Variants in DSCAM observed in about 807,000 individuals in gnomAD.
DSCAM encodes DS cell adhesion molecule, also known as cell adhesion molecule DSCAM.
A neutral mutation model predicts 217.7 loss-of-function variants in DSCAM; 47 were observed. The ratio of observed to expected loss-of-function variants is 0.22; its 90% CI spans 0.17 to 0.28. The LOEUF (loss-of-function observed/expected upper bound fraction) is 0.28, where lower values mean the gene tolerates loss of function less well. Among genes scored for constraint, DSCAM ranks in the 10% least tolerant of loss-of-function variants. The pLI is 1.00. For synonymous variants in DSCAM, 1,056 were observed against 1,015.3 expected (o/e 1.04, Z -0.76); for missense variants, 2,080 against 2,618.3 (o/e 0.79, Z 4.49).
At chr21:40,598,026 GTCA>G (rs1370787342) in intron 3 of DSCAM, among the ~76,000 whole-genome samples, 1 of 152,184 alleles carries the variant, frequency 6.6e-6, no homozygotes, top group African/African-American at 2.4e-5. Flanking sequence ...AATGTATAAT[GTCA>G]TGTATTCACC....
chr21:40,414,854 G>C (rs1269706514), intron 3 of DSCAM, among the ~76,000 whole-genome samples: 1 of 152,158 alleles, frequency 6.6e-6, no homozygotes, highest in Non-Finnish European at 1.5e-5. Flanking sequence ...AATTTATCAA[G>C]ACATGGGACA....
chr21:40,824,899 C>A (rs1324958638), intron 1 of DSCAM, among the ~76,000 whole-genome samples: 1 of 152,176 alleles, frequency 6.6e-6, no homozygotes, highest in Admixed American at 6.5e-5. Context: ...AAATCCCCCT[C>A]TCTTTGAAGC....
intron 10 of DSCAM, among the ~76,000 whole-genome samples, chr21:40,294,776 C>T (rs976090833): frequency 6.6e-6 from 1 of 152,108 alleles, no homozygotes; most frequent in Non-Finnish European, 1.5e-5. Context: ...TAATAATGCA[C>T]AATGGAGCTT....
At chr21:40,589,169 C>G (rs1187235768) in intron 3 of DSCAM, among the ~76,000 whole-genome samples, 2 of 152,154 alleles carry the variant, frequency 1.3e-5, no homozygotes, top group Non-Finnish European at 2.9e-5. Flanking sequence ...GAAGAAACAG[C>G]AACCCACCCT....
At chr21:40,224,659 G>A (rs182751329) in intron 11 of DSCAM, among the ~76,000 whole-genome samples, 484 of 152,144 alleles carry the variant, frequency 3.2e-3, no homozygotes, top group Non-Finnish European at 4.9e-3. Context: ...TCAACAATTG[G>A]CAATAAATGA....
chr21:40,264,334 T>C (rs920293212), intron 11 of DSCAM, among the ~76,000 whole-genome samples: 1 of 151,904 alleles, frequency 6.6e-6, no homozygotes, highest in Admixed American at 6.6e-5. Context: ...CAATAGCAAA[T>C]CGAATCCAAT....
intron 20 of DSCAM, among the ~76,000 whole-genome samples, chr21:40,095,065 T>C (rs1294093816): frequency 6.6e-6 from 1 of 152,202 alleles, no homozygotes; most frequent in Non-Finnish European, 1.5e-5. Flanking sequence ...TTTAATGGAT[T>C]CACAGTTCCA....
At chr21:40,274,083 G>T (rs1489715213) in intron 11 of DSCAM, among the ~76,000 whole-genome samples, 1 of 152,060 alleles carries the variant, frequency 6.6e-6, no homozygotes, top group East Asian at 1.9e-4. Flanking sequence ...TGTGTATTCT[G>T]CCAGACAGGA....
In DSCAM at chr21:40,650,807, A is replaced by G. The variant is rs1039117372; in HGVS notation, c.508+42003T>C. 3.3e-5 allele frequency among the ~76,000 whole-genome samples: 5 copies of G among 152,294 alleles called. No individual in the cohort carries two copies. The East Asian group carries it at 9.7e-4, about 29-fold the overall frequency. On this transcript the variant is annotated intron_variant, in intron 3 of 32. Coordinates refer to ENST00000400454, the MANE Select transcript of DSCAM (RefSeq NM_001389.5). ...TGTGCGCCTTTAGTCCCAGCTACTC[A>G]GGAGGCTGAGGCAGAAGAATTGGTT...
chr21:40,273,422 G>C (rs560176106), intron 11 of DSCAM, among the ~76,000 whole-genome samples: 1 of 152,256 alleles, frequency 6.6e-6, no homozygotes, highest in South Asian at 2.1e-4. Flanking sequence ...TCTCTTTGAA[G>C]TGTGTTCACT....
At chr21:40,015,908 G>C (rs1382056955) in intron 32 of DSCAM, among the ~76,000 whole-genome samples, 3 of 152,226 alleles carry the variant, frequency 2.0e-5, no homozygotes, top group Non-Finnish European at 2.9e-5. Flanking sequence ...TTTTGGTACA[G>C]ACAGTGTGCC....
intron 2 of DSCAM, among the ~76,000 whole-genome samples, chr21:40,706,609 GA>G (rs2146479142): frequency 6.6e-6 from 1 of 152,222 alleles, no homozygotes; most frequent in Non-Finnish European, 1.5e-5. Flanking sequence ...TACAGAAGAG[GA>G]TACCCCGTGA....
At chr21:40,331,096 C>G (rs2074373350) in intron 8 of DSCAM, among the ~76,000 whole-genome samples, 1 of 152,194 alleles carries the variant, frequency 6.6e-6, no homozygotes, top group Non-Finnish European at 1.5e-5. Flanking sequence ...ACTCAAAATG[C>G]TGTCCTTTCC....
chr21:40,026,177 C>T lies in DSCAM; in HGVS notation c.5687-12791G>A, dbSNP rs944540753. 7.8e-5 allele frequency among the ~76,000 whole-genome samples: 11 copies of T among 141,374 alleles called. 2 individuals are homozygous for T. Among genetic ancestry groups the T allele is most frequent in the African/African-American group, 2.0e-4 (8 of 39,584 alleles). The allele number at this position is 141,374 out of a possible 152,430, so 92.7% of individuals were successfully genotyped here. A position where few individuals can be genotyped will look rare whatever the true frequency, so the allele number is the denominator to read the frequency against. ...GTTGTTCAGTTTCCATGTAGTTGAGCGATTTTGAGTGAGATTCTTAATCCT... is the reference window on the plus strand; with the variant it reads ...GTTGTTCAGTTTCCATGTAGTTGAGTGATTTTGAGTGAGATTCTTAATCCT... On this transcript the variant is annotated intron_variant, in intron 32 of 32. Transcript: ENST00000400454.
At chr21:40,324,532 C>T (rs1291547035) in intron 8 of DSCAM, among the ~76,000 whole-genome samples, 1 of 152,114 alleles carries the variant, frequency 6.6e-6, no homozygotes, top group East Asian at 1.9e-4. Flanking sequence ...TCATATGAAA[C>T]ATCTCTTGAA....
intron 23 of DSCAM, among the ~76,000 whole-genome samples, chr21:40,084,609 A>T (rs2089507528): frequency 6.6e-6 from 1 of 151,684 alleles, no homozygotes; most frequent in South Asian, 2.1e-4. Flanking sequence ...TCTCTCTTAC[A>T]AGGCTTGTAG....
chr21:40,518,074 G>A (rs377144344), intron 3 of DSCAM, among the ~76,000 whole-genome samples: 10 of 151,700 alleles, frequency 6.6e-5, no homozygotes, highest in African/African-American at 1.7e-4. Flanking sequence ...AGGGACACAG[G>A]GGACCAAGGA....
At chr21:40,695,942 T>G (rs563982317) in intron 2 of DSCAM, among the ~76,000 whole-genome samples, 70 of 152,246 alleles carry the variant, frequency 4.6e-4, no homozygotes, top group African/African-American at 1.5e-3. Flanking sequence ...TGGCGATATA[T>G]CTCTCAGAGG....
chr21:40,636,965 T>G (rs1386948221), intron 3 of DSCAM, among the ~76,000 whole-genome samples: 1 of 149,750 alleles, frequency 6.7e-6, no homozygotes, highest in African/African-American at 2.5e-5. Flanking sequence ...TCTCTGTCTG[T>G]GGTGAGTTAC....
Sources: allele counts gnomAD v4.1 joint callset (sites outside exome capture counted in the v4.1 genomes callset), GRCh38; gene constraint gnomAD v4.1.1; transcripts MANE v1.5; gene names NCBI Gene and HGNC (gene_info 2026-07-23, HGNC 2026-07-21).